The following VWA3B variants were observed in gnomAD, a reference collection of about 807,000 sequenced individuals.
VWA3B encodes the protein von Willebrand factor A domain containing 3B.
A neutral mutation model predicts 158.3 loss-of-function variants in VWA3B; 138 were observed. That is an observed-to-expected ratio of 0.87 (90% confidence interval 0.76 to 1.00). VWA3B has a LOEUF of 1.00. Ranked by LOEUF, VWA3B falls within the 50% of genes least tolerant of loss-of-function variation. The probability of loss-of-function intolerance (pLI) is 0.00; values close to 1 mark genes in which losing one functional copy is unlikely to be tolerated. For missense variants in VWA3B, 1,555 were observed against 1,565.1 expected (o/e 0.99, Z 0.11); for synonymous variants, 596 against 587.3 (o/e 1.01, Z -0.21).
chr2:98,275,753 A>T (rs1294646619), intron 22 of VWA3B, among the ~76,000 whole-genome samples: 1 of 152,270 alleles, frequency 6.6e-6, no homozygotes, highest in Non-Finnish European at 1.5e-5. Context: ...ATGATGTCTG[A>T]AAGCCATTTG....
intron 12 of VWA3B, chr2:98,206,880 C>A (rs903574778): frequency 4.4e-5 from 18 of 410,518 alleles, no homozygotes; most frequent in African/African-American, 3.7e-4. Flanking sequence ...AGGGCAATGA[C>A]TTATATTATG....
At chr2:98,182,751 C>G (rs978011583) in intron 9 of VWA3B, among the ~76,000 whole-genome samples, 2 of 152,130 alleles carry the variant, frequency 1.3e-5, no homozygotes, top group African/African-American at 2.4e-5. Context: ...GAAACCCCAT[C>G]TCTACTAAAA....
intron 9 of VWA3B, among the ~76,000 whole-genome samples, chr2:98,184,654 A>C (rs571984224): frequency 2.0e-5 from 3 of 152,322 alleles, no homozygotes; most frequent in Middle Eastern, 6.8e-3. Context: ...CATCATCAGC[A>C]AACCCTGATT....
chr2:98,162,650 T>A (rs964782584), intron 7 of VWA3B, among the ~76,000 whole-genome samples: 4 of 152,262 alleles, frequency 2.6e-5, no homozygotes, highest in African/African-American at 9.6e-5. Context: ...TCCTAAAGTC[T>A]GCATTTATGA....
chr2:98,254,793 T>C (rs1409211698), intron 20 of VWA3B, among the ~76,000 whole-genome samples: 1 of 152,170 alleles, frequency 6.6e-6, no homozygotes. Context: ...CCTGGAGTTG[T>C]GGCTCCGGAG....
In VWA3B at chr2:98,250,344, C is replaced by T. The variant is rs780619003; in HGVS notation, c.2700C>T (p.Asn900=). ...TGTTCCCTCTGGCACATGTGTGCAA[C>T]GACACAAATAAGATGACATTAATTA... ...DEVFPLAHVC[N]DTNKMTLINP... The change falls in exon 20 of 28, where the codon AAC becomes AAT. Residue 900 remains asparagine (N), a synonymous_variant. Transcript: ENST00000477737. 1.9e-5 allele frequency: 31 copies of T among 1,612,490 alleles called. No homozygotes were observed. Among genetic ancestry groups the T allele is most frequent in the African/African-American group, 2.7e-5 (2 of 74,722 alleles).
chr2:98,138,597 C>T (rs1559565230), intron 7 of VWA3B, among the ~76,000 whole-genome samples: 1 of 152,212 alleles, frequency 6.6e-6, no homozygotes, highest in Non-Finnish European at 1.5e-5. Context: ...ATATTCATGA[C>T]ATGGTCTCCA....
chr2:98,137,818 T>C (rs1676402611), intron 7 of VWA3B, among the ~76,000 whole-genome samples: 1 of 152,068 alleles, frequency 6.6e-6, no homozygotes, highest in Admixed American at 6.5e-5. Flanking sequence ...TACTTGTTAA[T>C]TGATGAATTT....
At chr2:98,114,183 C>T (rs1396876542) in intron 2 of VWA3B, among the ~76,000 whole-genome samples, 1 of 152,170 alleles carries the variant, frequency 6.6e-6, no homozygotes, top group Non-Finnish European at 1.5e-5. Flanking sequence ...ACTCACAATG[C>T]CTTACATTTC....
chr2:98,241,359 G>T (rs557004632), intron 19 of VWA3B, among the ~76,000 whole-genome samples: 1 of 152,098 alleles, frequency 6.6e-6, no homozygotes, highest in East Asian at 1.9e-4. Flanking sequence ...GAATGGAGGG[G>T]TTGTTAGCAG....
At chr2:98,212,680 A>G (rs767445152) in intron 13 of VWA3B, among the ~76,000 whole-genome samples, 2 of 152,266 alleles carry the variant, frequency 1.3e-5, no homozygotes, top group African/African-American at 4.8e-5. Context: ...GCATATGCAG[A>G]CTGCTAGGCA....
chr2:98,116,295 A>G (rs965404460), intron 3 of VWA3B, among the ~76,000 whole-genome samples: 3 of 152,162 alleles, frequency 2.0e-5, no homozygotes, highest in Non-Finnish European at 4.4e-5. Context: ...ATGTACATCC[A>G]TGTACCACCT....
intron 1 of VWA3B, among the ~76,000 whole-genome samples, chr2:98,089,650 CT>C (rs1007533576): frequency 0.013 from 1,805 of 140,916 alleles, 44 homozygotes; most frequent in African/African-American, 0.044. Context: ...CCTTTCCTTC[CT>C]TTTTTTTTTT....
chr2:98,192,795 T>C, intron 10 of VWA3B, 103 bp from the exon 11 acceptor site: 2 of 1,496,738 alleles, frequency 1.3e-6, no homozygotes, highest in Non-Finnish European at 1.8e-6. Context: ...ATAAACAACA[T>C]AGCGCAGCTC....
chr2:98,128,317 A>C lies in VWA3B; in HGVS notation c.781A>C (p.Ile261Leu). The C allele has an allele frequency of 6.2e-7, 1 of 1,614,118 alleles. No homozygotes were observed. Among genetic ancestry groups the C allele is most frequent in the East Asian group, 2.2e-5 (1 of 44,874 alleles). The change falls in exon 6 of 28, where the codon ATC becomes CTC. Residue 261 changes from isoleucine to leucine, a missense_variant. Ile to Leu is a conservative substitution (Grantham distance 5). Coordinates refer to ENST00000477737, the MANE Select transcript of VWA3B (RefSeq NM_144992.5). ...GCTTCTCCTCCAGAGGGCCTTGGAG[A>C]TCCCGTGTCCAGTCTACACAGTGTC... Reference protein sequence around the residue: ...KELLLQRALEIPCPVYTVSFN... With the variant: ...KELLLQRALELPCPVYTVSFN...
At position 98,107,944 on chromosome 2, in the gene VWA3B, T is replaced by C. The variant is rs1673806965; in HGVS notation, c.197-7708T>C. ...CTTTTCTTTTTTCTAATTTCTTCAG[T>C]TGAAAGCTTTGATTATTGATTTGAG... On this transcript the variant is annotated intron_variant, in intron 2 of 27. Transcript: ENST00000477737. Among the ~76,000 whole-genome samples, 4 of 152,092 alleles carry C rather than the reference T, an allele frequency of 2.6e-5. No individual in the cohort carries two copies. In the South Asian group the frequency reaches 8.3e-4, roughly 32 times the overall value.
chr2:98,088,207 C>A (rs1682005101), intron 1 of VWA3B, among the ~76,000 whole-genome samples: 2 of 152,196 alleles, frequency 1.3e-5, no homozygotes, highest in South Asian at 4.1e-4. Context: ...AGATATATAT[C>A]CACCTAGCCC....
chr2:98,202,274 T>C (rs1264807543), intron 12 of VWA3B, among the ~76,000 whole-genome samples: 4 of 152,324 alleles, frequency 2.6e-5, no homozygotes, highest in Non-Finnish European at 5.9e-5. Context: ...ATTTCTTCCA[T>C]AGGGTTGAAT....
chr2:98,216,408 G>T (rs1054805441), intron 13 of VWA3B, among the ~76,000 whole-genome samples: 1 of 152,238 alleles, frequency 6.6e-6, no homozygotes, highest in Non-Finnish European at 1.5e-5. Flanking sequence ...CATGATAAAG[G>T]CATGTGCACC....
Sources: gnomAD v4.1 joint callset for allele counts (sites outside exome capture counted in the v4.1 genomes callset) on GRCh38, gnomAD v4.1.1 for gene constraint, MANE v1.5 for transcripts, NCBI Gene and HGNC (gene_info 2026-07-23, HGNC 2026-07-21) for gene names.